The following NUDT5 variants were observed in gnomAD, a reference collection of about 807,000 sequenced individuals.
NUDT5 encodes the protein ADP-sugar pyrophosphatase.
Under a neutral mutation model 34.1 loss-of-function variants are expected in NUDT5, and 21 were observed. The observed-to-expected ratio is 0.62, with a 90% confidence interval of 0.44 to 0.89. The LOEUF is 0.89. NUDT5 is among the 40% of genes least tolerant of loss of function. The pLI, the probability that NUDT5 is intolerant of heterozygous loss-of-function variation, is 0.00. For missense variants in NUDT5, 249 were observed against 274.8 expected (o/e 0.91, Z 0.66); for synonymous variants, 85 against 97.6 (o/e 0.87, Z 0.76).
rs1257792572 is a variant in NUDT5 at position 12,171,723 on chromosome 10, ATTTAT to A, written c.488-820_488-816del. Among the ~76,000 whole-genome samples the A allele has an allele frequency of 6.7e-6, 1 of 150,146 alleles. No individual in the cohort carries two copies. The highest frequency in any genetic ancestry group is 1.5e-5 in the Non-Finnish European group (1 of 67,582). ...TATTTATTTATTTATTTATTTATTT[ATTTAT>A]TTATTTATTTTTTGGAGACAGGGTC... On this transcript the variant is annotated intron_variant, in intron 7 of 9. Transcript: ENST00000491614. This position sits in a 1 kb window ranked among gnomAD's most constrained non-coding sequence, Gnocchi z 4.2.
chr10:12,193,298 T>C (rs938395559), intron 1 of NUDT5, among the ~76,000 whole-genome samples: 2 of 152,100 alleles, frequency 1.3e-5, no homozygotes, highest in Admixed American at 1.3e-4. Flanking sequence ...TGTACACGCT[T>C]GTTTGAGGTG....
rs372229393 is a variant in NUDT5, at chr10:12,182,938, T to C, written c.131+1951A>G. Among the ~76,000 whole-genome samples, 1 of 152,192 alleles carries C rather than the reference T, an allele frequency of 6.6e-6. No homozygotes were observed. The highest frequency in any genetic ancestry group is 2.1e-4 in the South Asian group (1 of 4,828). On this transcript the variant is annotated intron_variant, in intron 3 of 9. Coordinates refer to ENST00000491614, the MANE Select transcript of NUDT5 (RefSeq NM_014142.4). This position sits in a 1 kb window ranked among gnomAD's most constrained non-coding sequence, Gnocchi z 4.3. ...TTTTAGTAGAGACGGGGTTTCACAATGTTGGCCAGGCTGGTCTCGAACTCT... is the reference window on the plus strand; with the variant it reads ...TTTTAGTAGAGACGGGGTTTCACAACGTTGGCCAGGCTGGTCTCGAACTCT...
Position 12,170,610 on chromosome 10 carries a change from A to G in NUDT5, c.550+107T>C. 9.4e-7 allele frequency: 1 copy of G among 1,062,742 alleles called. No homozygotes were observed. The highest frequency in any genetic ancestry group is 1.6e-5 in the African/African-American group (1 of 63,920). The allele number at this position is 1,062,742 out of a possible 1,614,324, so 65.8% of individuals were successfully genotyped here. On this transcript the variant is annotated intron_variant, in intron 9 of 9. Coordinates refer to ENST00000491614, the MANE Select transcript of NUDT5 (RefSeq NM_014142.4). The surrounding 1 kb of genome is among the most constrained non-coding windows in gnomAD (Gnocchi z 4.9). The stretch of plus-strand genomic sequence containing the variant: ...TACAAGTTGCTAGGCATTTGACTTT[A>G]GTGATACAAAAAAGATAAAGAAATG...
chr10:12,176,514 G>C (rs1335395950), intron 5 of NUDT5, among the ~76,000 whole-genome samples: 1 of 151,966 alleles, frequency 6.6e-6, no homozygotes, highest in African/African-American at 2.4e-5. Context: ...TGAGGCAGGA[G>C]AATCACTTGA....
chr10:12,167,911 T>C (rs1304447998), intron 9 of NUDT5, 100 bp from the exon 10 acceptor site: 2 of 1,532,736 alleles, frequency 1.3e-6, no homozygotes, highest in Non-Finnish European at 8.7e-7. Context: ...TATATGTCAC[T>C]TCCTATGCTA....
chr10:12,193,123 G>T (rs1835264382), intron 1 of NUDT5, among the ~76,000 whole-genome samples: 1 of 152,186 alleles, frequency 6.6e-6, no homozygotes, highest in Non-Finnish European at 1.5e-5. Flanking sequence ...AAGGTGAATT[G>T]GTTACAGACG....
rs1406996740 is a variant in NUDT5 at position 12,182,959 on chromosome 10, A to G, written c.131+1930T>C. Reference sequence around the variant, plus strand: ...ACAATGTTGGCCAGGCTGGTCTCGAACTCTTGACCTCAAGTGATCCACCCA... The same window carrying G: ...ACAATGTTGGCCAGGCTGGTCTCGAGCTCTTGACCTCAAGTGATCCACCCA... On this transcript the variant is annotated intron_variant, in intron 3 of 9. Transcript: ENST00000491614. The surrounding 1 kb of genome is among the most constrained non-coding windows in gnomAD (Gnocchi z 4.3). 1.3e-5 allele frequency among the ~76,000 whole-genome samples: 2 copies of G among 152,126 alleles called. No homozygotes were observed. Among genetic ancestry groups the G allele is most frequent in the Non-Finnish European group, 2.9e-5 (2 of 68,014 alleles).
Position 12,184,915 on chromosome 10 carries a change from CGTT to C in NUDT5, c.102_104del (p.Thr35del). Reference sequence around the variant, plus strand: ...TAGTTTTACCAGTAGGATCCATGTACGTTGTTTTTTCAAGCTTGACCCATTTTC... The same window carrying C: ...TAGTTTTACCAGTAGGATCCATGTACGTTTTTTCAAGCTTGACCCATTTTC... On this transcript the variant is annotated inframe_deletion, in exon 3 of 10. Transcript: ENST00000491614. 1 of 1,581,998 alleles carries C rather than the reference CGTT, an allele frequency of 6.3e-7. No homozygotes were observed. Among genetic ancestry groups the C allele is most frequent in the Non-Finnish European group, 8.6e-7 (1 of 1,156,350 alleles).
intron 1 of NUDT5, among the ~76,000 whole-genome samples, chr10:12,193,114 A>G (rs557567004): frequency 1.3e-5 from 2 of 152,310 alleles, no homozygotes; most frequent in African/African-American, 4.8e-5. Context: ...ACCCTTGGGA[A>G]GGTGAATTGG....
intron 1 of NUDT5, among the ~76,000 whole-genome samples, chr10:12,193,477 T>C (rs2131721802): frequency 6.6e-6 from 1 of 152,330 alleles, no homozygotes; most frequent in East Asian, 1.9e-4. Context: ...CTTTTCAGCA[T>C]GCAGGAGAAA....
chr10:12,180,181 T>C (rs562043680), intron 3 of NUDT5, among the ~76,000 whole-genome samples: 1 of 152,334 alleles, frequency 6.6e-6, no homozygotes, highest in South Asian at 2.1e-4. Context: ...TTTAATTTGC[T>C]TTTTAAAAAA....
chr10:12,193,869 C>CTTT (rs561906932), intron 1 of NUDT5, among the ~76,000 whole-genome samples: 2 of 143,954 alleles, frequency 1.4e-5, no homozygotes, highest in African/African-American at 2.5e-5. Context: ...TCTCTACACT[C>CTTT]TTTTTTTTTT....
At chr10:12,191,475 C>T (rs963015656) in intron 1 of NUDT5, among the ~76,000 whole-genome samples, 5 of 152,164 alleles carry the variant, frequency 3.3e-5, no homozygotes, top group African/African-American at 1.2e-4. Context: ...TGATGATTTG[C>T]GAACACATTT....
chr10:12,186,055 C>A (rs1387983163), intron 2 of NUDT5, among the ~76,000 whole-genome samples, 174 bp downstream of exon 2: 1 of 152,132 alleles, frequency 6.6e-6, no homozygotes, highest in African/African-American at 2.4e-5. Flanking sequence ...CAGAGAGACA[C>A]ACTACTCCTC....
At position 12,173,120 on chromosome 10, in the gene NUDT5, C is replaced by T. The variant is rs538737349; in HGVS notation, c.386-254G>A. On this transcript the variant is annotated intron_variant, in intron 6 of 9. Transcript: ENST00000491614. This position sits in a 1 kb window ranked among gnomAD's most constrained non-coding sequence, Gnocchi z 4.7. ...GTCAAGTCATAAAATCCCTTCACCA[C>T]ATCAAACTCAAAAAAATCTTCCAGT... Among the ~76,000 whole-genome samples the T allele has an allele frequency of 1.3e-5, 2 of 152,336 alleles. No individual in the cohort carries two copies. Among genetic ancestry groups the T allele is most frequent in the East Asian group, 3.8e-4 (2 of 5,196 alleles).
chr10:12,169,132 T>C lies in NUDT5; in HGVS notation c.551-1321A>G. 2 of 580,206 alleles carry C rather than the reference T, an allele frequency of 3.4e-6. No homozygotes were observed. Among genetic ancestry groups the C allele is most frequent in the Non-Finnish European group, 6.1e-6 (2 of 325,490 alleles). The allele number at this position is 580,206 out of a possible 1,614,324, so 35.9% of individuals were successfully genotyped here. A position where few individuals can be genotyped will look rare whatever the true frequency, so the allele number is the denominator to read the frequency against. On this transcript the variant is annotated intron_variant, in intron 9 of 9. Transcript: ENST00000491614. This position sits in a 1 kb window ranked among gnomAD's most constrained non-coding sequence, Gnocchi z 4.8. ...AATGTTGCTGGTTGAATAAACGGTTTGATTACTGTATTTTGATTCTGCTAA... is the reference window on the plus strand; with the variant it reads ...AATGTTGCTGGTTGAATAAACGGTTCGATTACTGTATTTTGATTCTGCTAA...
rs762155673 is a variant in NUDT5, at chr10:12,168,483, A to C, written c.551-672T>G. On this transcript the variant is annotated intron_variant, in intron 9 of 9. Transcript: ENST00000491614. This position sits in a 1 kb window ranked among gnomAD's most constrained non-coding sequence, Gnocchi z 4.8. ...CATCTTTTCTGCTGCTAGGGGATAC[A>C]TATGTTCCCCCGGCAAGTTAAACTG... Among the ~76,000 whole-genome samples, 8 of 152,128 alleles carry C rather than the reference A, an allele frequency of 5.3e-5. No individual in the cohort carries two copies. Among genetic ancestry groups the C allele is most frequent in the Non-Finnish European group, 1.0e-4 (7 of 68,016 alleles).
intron 2 of NUDT5, 124 bp from the exon 3 acceptor site, chr10:12,185,080 A>G (rs1835104294): frequency 6.7e-6 from 4 of 597,256 alleles, no homozygotes; most frequent in Admixed American, 3.3e-5. Flanking sequence ...TTCCTTCCCA[A>G]TAATCTGTGG....
rs1024715138 is a variant in NUDT5, at chr10:12,166,299, A to G, written c.*1403T>C. 6.5e-6 allele frequency: 1 copy of G among 154,144 alleles called. No homozygotes were observed. The highest frequency in any genetic ancestry group is 2.4e-5 in the African/African-American group (1 of 41,476). 9.5% of individuals were successfully genotyped at this position (154,144 alleles called of 1,614,324 possible). ...AGCATGTGGCTTTCAGACCTAAGGA[A>G]GAGTTAGAGCTTTGGAGAATCACAA... On this transcript the variant is annotated 3_prime_UTR_variant, in exon 10 of 10. Coordinates refer to ENST00000491614, the MANE Select transcript of NUDT5 (RefSeq NM_014142.4).
Sources: gnomAD v4.1 joint callset for allele counts (sites outside exome capture counted in the v4.1 genomes callset) on GRCh38, gnomAD v4.1.1 for gene constraint, Gnocchi (gnomAD v3.1) non-coding constraint, MANE v1.5 for transcripts, NCBI Gene and HGNC (gene_info 2026-07-23, HGNC 2026-07-21) for gene names.